Variants in ANKUB1 observed in about 807,000 individuals in gnomAD.
The protein encoded by ANKUB1 is protein ANKUB1.
A neutral mutation model predicts 49.3 loss-of-function variants in ANKUB1; 42 were observed. The observed-to-expected ratio is 0.85, with a 90% CI of 0.67 to 1.10. ANKUB1 has a LOEUF of 1.10. ANKUB1 is among the 50% of genes least tolerant of loss of function. The probability of loss-of-function intolerance (pLI) is 0.00; values close to 1 mark genes in which losing one functional copy is unlikely to be tolerated. For missense variants in ANKUB1, 613 were observed against 642.0 expected (o/e 0.95, Z 0.49); for synonymous variants, 222 against 231.0 (o/e 0.96, Z 0.35).
chr3:149,774,596 C>T (rs79659420), intron 3 of ANKUB1, among the ~76,000 whole-genome samples: 5,457 of 152,268 alleles, frequency 0.036, 262 homozygotes, highest in East Asian at 0.25. Flanking sequence ...GAGGACCGTA[C>T]GATTTAAATC....
At chr3:149,769,528 C>T (rs1038941745) in intron 4 of ANKUB1, among the ~76,000 whole-genome samples, 1 of 152,162 alleles carries the variant, frequency 6.6e-6, no homozygotes, top group African/African-American at 2.4e-5. Context: ...AACCATCATA[C>T]GCTGAAAGTA....
intron 5 of ANKUB1, chr3:149,766,855 G>GCAGCAGCAGCAGCAA: frequency 8.5e-7 from 1 of 1,174,042 alleles, no homozygotes; most frequent in Non-Finnish European, 1.2e-6. Context: ...AGCAGCAGCA[G>GCAGCAGCAGCAGCAA]CAGCAGCAGC....
At chr3:149,763,763 T>C (rs1716871868) in intron 5 of ANKUB1, among the ~76,000 whole-genome samples, 1 of 152,180 alleles carries the variant, frequency 6.6e-6, no homozygotes, top group Non-Finnish European at 1.5e-5. Flanking sequence ...AATGAGACTC[T>C]ATGTGACCTT....
At chr3:149,783,749 A>G (rs1717966403) in intron 2 of ANKUB1, 1 of 152,194 alleles carries the variant, frequency 6.6e-6, no homozygotes, top group Admixed American at 6.5e-5. Context: ...TTTTTGTTGA[A>G]CCAAATGAAT....
intron 3 of ANKUB1, chr3:149,779,013 G>C (rs549658455): frequency 6.6e-6 from 1 of 152,260 alleles, no homozygotes; most frequent in South Asian, 2.1e-4. Flanking sequence ...TTTTTAAAAA[G>C]TGTGAAATGT....
At chr3:149,772,745 T>C (rs1717421254) in intron 3 of ANKUB1, among the ~76,000 whole-genome samples, 1 of 152,154 alleles carries the variant, frequency 6.6e-6, no homozygotes, top group Non-Finnish European at 1.5e-5. Context: ...GTCCCTGGCT[T>C]ATGGTGGACA....
intron 2 of ANKUB1, among the ~76,000 whole-genome samples, 168 bp downstream of exon 2, chr3:149,790,613 C>A (rs1394420956): frequency 6.6e-6 from 1 of 152,106 alleles, no homozygotes; most frequent in Non-Finnish European, 1.5e-5. Context: ...GTCTTACTTC[C>A]CCTTACAGCA....
At chr3:149,766,868 C>CAGCAGG in intron 5 of ANKUB1, 2 of 1,119,746 alleles carry the variant, frequency 1.8e-6, no homozygotes, top group East Asian at 5.4e-5. Context: ...GCAGCAGCAG[C>CAGCAGG]AGCAGCAGCA....
At chr3:149,784,440 C>G (rs1245647111) in intron 2 of ANKUB1, among the ~76,000 whole-genome samples, 1 of 152,160 alleles carries the variant, frequency 6.6e-6, no homozygotes, top group Non-Finnish European at 1.5e-5. Context: ...GCAACAGACA[C>G]AGGAAAGTCT....
chr3:149,790,874 C>T lies in ANKUB1; in HGVS notation c.141G>A (p.Leu47=). ...LSEDKQGRRY[L]ELMYAGAALK... is the part of the protein sequence containing the mutation. ...GAGCAGCTCCAGCATACATTAACTCCAGATACCGCCTGCCTTGTTTGTCTT... is the reference window on the plus strand; with the variant it reads ...GAGCAGCTCCAGCATACATTAACTCTAGATACCGCCTGCCTTGTTTGTCTT... Residue 47 remains leucine (L), a synonymous_variant, in exon 2 of 6, where the codon CTG becomes CTA. Transcript: ENST00000446160. 5.2e-6 allele frequency: 8 copies of T among 1,552,192 alleles called. No individual in the cohort carries two copies. Among genetic ancestry groups the T allele is most frequent in the Non-Finnish European group, 7.0e-6 (8 of 1,147,072 alleles).
At chr3:149,784,514 G>A (rs1718009698) in intron 2 of ANKUB1, among the ~76,000 whole-genome samples, 1 of 152,210 alleles carries the variant, frequency 6.6e-6, no homozygotes, top group Non-Finnish European at 1.5e-5. Flanking sequence ...TCCAGTGCCT[G>A]TTTTGAGGGC....
chr3:149,764,115 C>A (rs1716890556), intron 5 of ANKUB1: 1 of 441,106 alleles, frequency 2.3e-6, no homozygotes, highest in Non-Finnish European at 4.6e-6. Flanking sequence ...GTGCATGTAG[C>A]CATCAAGATA....
At position 149,780,247 on chromosome 3, in the gene ANKUB1, G is replaced by A. The variant is rs1717795571; in HGVS notation, c.443C>T (p.Thr148Ile). 6.4e-7 allele frequency: 1 copy of A among 1,551,536 alleles called. No individual in the cohort carries two copies. Among genetic ancestry groups the A allele is most frequent in the Non-Finnish European group, 8.7e-7 (1 of 1,146,952 alleles). The change falls in exon 3 of 6, where the codon ACT becomes ATT. Residue 148 changes from threonine to isoleucine, a missense_variant. Coordinates refer to ENST00000446160, the MANE Select transcript of ANKUB1 (RefSeq NM_001144960.3). The part of the protein sequence containing the change: ...YDCNTLKDYQ[T>I]DIGTTLRLDV... The stretch of plus-strand genomic sequence containing the variant: ...AATATACTGGGCAGTACCAATATCA[G>A]TCTGGTAGTCCTTGAGGGTGTTGCA...
At chr3:149,776,097 T>C (rs1399369011) in intron 3 of ANKUB1, among the ~76,000 whole-genome samples, 1 of 152,180 alleles carries the variant, frequency 6.6e-6, no homozygotes, top group Non-Finnish European at 1.5e-5. Flanking sequence ...CTAAAATCTT[T>C]CTTTCTCCAT....
rs1198324133 is a variant in ANKUB1, at chr3:149,768,095, C to A, written c.567G>T (p.Lys189Asn). ...RYLSKEGPVLKYQKRVALYIA... is the reference protein window; with the variant it reads ...RYLSKEGPVLNYQKRVALYIA... ...TGTACAGGGCTACCCTTTTCTGATA[C>A]CTAAATGAGTGAAACAAGTGGGGAG... Residue 189 changes from lysine (K) to asparagine (N), a missense_variant and splice_region_variant, in exon 5 of 6, where the codon AAG becomes AAT. Lys to Asn is a moderately conservative substitution (Grantham distance 94). Coordinates refer to ENST00000446160, the MANE Select transcript of ANKUB1 (RefSeq NM_001144960.3). The A allele has an allele frequency of 1.0e-5, 14 of 1,349,240 alleles. No individual in the cohort carries two copies. The highest frequency in any genetic ancestry group is 1.3e-5 in the Non-Finnish European group (14 of 1,041,148). The allele number at this position is 1,349,240 out of a possible 1,614,324, so 83.6% of individuals were successfully genotyped here.
At chr3:149,761,720 G>T in intron 5 of ANKUB1, 107 bp from the exon 6 acceptor site, 1 of 1,264,852 alleles carries the variant, frequency 7.9e-7, no homozygotes, top group Non-Finnish European at 1.1e-6. Flanking sequence ...GGGCTAGTTT[G>T]TCTTGTCACA....
chr3:149,776,210 G>A (rs1437712073), intron 3 of ANKUB1, among the ~76,000 whole-genome samples: 3 of 152,062 alleles, frequency 2.0e-5, no homozygotes, highest in Admixed American at 6.6e-5. Context: ...CCAGCATCTT[G>A]AAAACAGTCT....
chr3:149,776,834 A>G (rs1487083890), intron 3 of ANKUB1, among the ~76,000 whole-genome samples: 1 of 151,824 alleles, frequency 6.6e-6, no homozygotes, highest in African/African-American at 2.4e-5. Flanking sequence ...CAAATTAGCC[A>G]GGCATGGTGG....
At chr3:149,790,202 T>G (rs1354882213) in intron 2 of ANKUB1, among the ~76,000 whole-genome samples, 1 of 152,184 alleles carries the variant, frequency 6.6e-6, no homozygotes, top group African/African-American at 2.4e-5. Flanking sequence ...CCAGGCACAT[T>G]AATTTTGTTT....
Sources: gnomAD v4.1 joint callset for allele counts (sites outside exome capture counted in the v4.1 genomes callset) on GRCh38, gnomAD v4.1.1 for gene constraint, MANE v1.5 for transcripts, NCBI Gene and HGNC (gene_info 2026-07-23, HGNC 2026-07-21) for gene names.